Variants in IFT74 observed in about 807,000 individuals in gnomAD.
The protein encoded by IFT74 is intraflagellar transport 74.
A neutral mutation model predicts 96.7 loss-of-function variants in IFT74; 92 were observed. That is an observed-to-expected ratio of 0.95 (90% CI 0.80 to 1.13). The LOEUF (loss-of-function observed/expected upper bound fraction) is 1.13. Ranked by LOEUF, IFT74 falls within the 50% of genes most tolerant of loss-of-function variation. The pLI is 0.00. For synonymous variants in IFT74, 223 were observed against 213.2 expected, an observed-to-expected ratio of 1.05 and a Z score of -0.40; for missense variants, 811 against 698.2, an observed-to-expected ratio of 1.16 and a Z score of -1.82.
chr9:27,013,894 C>T (rs999367011), intron 10 of IFT74, among the ~76,000 whole-genome samples: 2 of 152,120 alleles, frequency 1.3e-5, no homozygotes, highest in African/African-American at 2.4e-5. Flanking sequence ...TGAGAATTTG[C>T]TATTGAAAAA....
At chr9:27,021,861 G>A (rs1445654872) in intron 12 of IFT74, among the ~76,000 whole-genome samples, 1 of 152,022 alleles carries the variant, frequency 6.6e-6, no homozygotes, top group Non-Finnish European at 1.5e-5. Context: ...CTTTGTTTTT[G>A]TTGCATTTGC....
intron 6 of IFT74, among the ~76,000 whole-genome samples, chr9:26,985,571 A>G (rs1188842434): frequency 6.6e-6 from 1 of 152,172 alleles, no homozygotes; most frequent in Non-Finnish European, 1.5e-5. Flanking sequence ...TAAAAATTAC[A>G]ACAAATAAAG....
intron 2 of IFT74, among the ~76,000 whole-genome samples, chr9:26,977,913 G>A (rs1275946847): frequency 2.0e-5 from 3 of 152,082 alleles, no homozygotes; most frequent in African/African-American, 7.2e-5. Flanking sequence ...TTCCTGAAAT[G>A]TATTTTTAAA....
intron 10 of IFT74, among the ~76,000 whole-genome samples, chr9:27,015,035 T>G (rs1829277644): frequency 2.0e-5 from 3 of 152,250 alleles, no homozygotes. Context: ...TCATGCTTAT[T>G]CAGTTCACAA....
At chr9:26,968,991 T>A (rs1194759904) in intron 2 of IFT74, among the ~76,000 whole-genome samples, 1 of 152,172 alleles carries the variant, frequency 6.6e-6, no homozygotes, top group Admixed American at 6.5e-5. Context: ...TTCTTTCATA[T>A]GCATTATTAG....
At chr9:26,982,675 G>C (rs184152113) in intron 4 of IFT74, among the ~76,000 whole-genome samples, 1 of 151,986 alleles carries the variant, frequency 6.6e-6, no homozygotes, top group Non-Finnish European at 1.5e-5. Flanking sequence ...GGCTGGTCTC[G>C]AACTCCCAAC....
At position 27,048,663 on chromosome 9, in the gene IFT74, G is replaced by C. The variant is rs189424217; in HGVS notation, c.1333+389G>C. 2.0e-5 allele frequency among the ~76,000 whole-genome samples: 3 copies of C among 152,282 alleles called. No homozygotes were observed. The East Asian group carries it at 5.8e-4, about 29-fold the overall frequency. On this transcript the variant is annotated intron_variant, in intron 16 of 19. Transcript: ENST00000380062. ...AGTGTTTTAAAGGGAGAATGAGGGA[G>C]TAGTAAGGGAAATGAAAAATTACAG...
At chr9:27,050,087 C>T (rs1457863399) in intron 16 of IFT74, among the ~76,000 whole-genome samples, 3 of 152,058 alleles carry the variant, frequency 2.0e-5, no homozygotes, top group Admixed American at 6.5e-5. Context: ...GACAGGGTCT[C>T]ACTCTCATTG....
intron 8 of IFT74, chr9:26,993,551 A>G (rs1386296060): frequency 6.6e-6 from 1 of 152,564 alleles, no homozygotes; most frequent in Non-Finnish European, 1.5e-5. Flanking sequence ...TATTGAATTT[A>G]CTAATTATGT....
At chr9:26,989,258 G>A (rs1827769338) in intron 7 of IFT74, among the ~76,000 whole-genome samples, 1 of 152,066 alleles carries the variant, frequency 6.6e-6, no homozygotes, top group South Asian at 2.1e-4. Context: ...TACCTAGCAG[G>A]TACAGTGTTC....
At chr9:27,054,715 A>T (rs1587423330) in intron 16 of IFT74, among the ~76,000 whole-genome samples, 1 of 152,178 alleles carries the variant, frequency 6.6e-6, no homozygotes, top group South Asian at 2.1e-4. Flanking sequence ...CAACAGCCTG[A>T]CATGCACATT....
intron 8 of IFT74, chr9:26,998,158 A>G (rs1828270368): frequency 1.2e-6 from 2 of 1,603,186 alleles, no homozygotes; most frequent in Non-Finnish European, 1.7e-6. Context: ...TTTGGTTATA[A>G]CTGAGATCAA....
chr9:27,039,112 G>T (rs190650571), intron 13 of IFT74, among the ~76,000 whole-genome samples: 26 of 152,284 alleles, frequency 1.7e-4, no homozygotes, highest in African/African-American at 6.3e-4. Context: ...GGCACCATGG[G>T]CACCAAATAG....
chr9:27,006,000 CA>C (rs1429106755), intron 8 of IFT74, among the ~76,000 whole-genome samples: 1 of 152,058 alleles, frequency 6.6e-6, no homozygotes, highest in African/African-American at 2.4e-5. Flanking sequence ...CCCGGCACTG[CA>C]CCTGGCTAAT....
At position 27,064,475 on chromosome 9, in the gene IFT74, A is replaced by G. The variant is rs896116090; in HGVS notation, c.*1739A>G. On this transcript the variant is annotated 3_prime_UTR_variant, in exon 20 of 20. Transcript: ENST00000380062. Reference sequence around the variant, plus strand: ...ACAGTTTGCAGCCCTTCGTTCATTCATAAAGTATTACTGTAATTTGGTGAT... The same window carrying G: ...ACAGTTTGCAGCCCTTCGTTCATTCGTAAAGTATTACTGTAATTTGGTGAT... 3.3e-5 allele frequency among the ~76,000 whole-genome samples: 5 copies of G among 152,148 alleles called. No homozygotes were observed. The highest frequency in any genetic ancestry group is 1.2e-4 in the African/African-American group (5 of 41,456).
intron 8 of IFT74, among the ~76,000 whole-genome samples, chr9:27,006,074 C>T (rs1828760850): frequency 6.6e-6 from 1 of 152,010 alleles, no homozygotes; most frequent in South Asian, 2.1e-4. Context: ...AAACTCCTGA[C>T]CTCAGGTGAT....
At chr9:27,060,352 T>C (rs1482890082) in intron 18 of IFT74, among the ~76,000 whole-genome samples, 1 of 151,962 alleles carries the variant, frequency 6.6e-6, no homozygotes, top group Non-Finnish European at 1.5e-5. Context: ...ATTGGTATAA[T>C]AAACATTTAA....
chr9:27,044,906 G>T (rs1819635541), intron 14 of IFT74, 111 bp downstream of exon 14: 2 of 593,702 alleles, frequency 3.4e-6, no homozygotes, highest in Non-Finnish European at 5.9e-6. Flanking sequence ...AAATGCAGAA[G>T]TGTGGACATT....
At chr9:27,046,161 T>C (rs1027290026) in intron 14 of IFT74, among the ~76,000 whole-genome samples, 19 of 152,196 alleles carry the variant, frequency 1.2e-4, no homozygotes, top group African/African-American at 4.3e-4. Flanking sequence ...AAATCTCATA[T>C]GTCCACTTAA....
Sources: allele counts gnomAD v4.1 joint callset (sites outside exome capture counted in the v4.1 genomes callset), GRCh38; gene constraint gnomAD v4.1.1; transcripts MANE v1.5; gene names NCBI Gene and HGNC (gene_info 2026-07-23, HGNC 2026-07-21).